KCNQ1: variants seen among roughly 807,000 people sequenced by gnomAD.
The protein encoded by KCNQ1 is potassium voltage-gated channel subfamily KQT member 1.
KCNQ1 carries 49 observed loss-of-function variants against 72.4 expected under a neutral mutation model. The observed-to-expected ratio is 0.68, with a 90% CI of 0.54 to 0.86. The LOEUF is 0.86. Ranked by LOEUF, KCNQ1 falls within the 40% of genes least tolerant of loss-of-function variation. The pLI is 0.00. For synonymous variants in KCNQ1, 450 were observed against 412.6 expected (o/e 1.09, Z -1.10); for missense variants, 790 against 945.1 (o/e 0.84, Z 2.15).
intron 11 of KCNQ1, among the ~76,000 whole-genome samples, chr11:2,757,571 T>A (rs940466435): frequency 1.3e-5 from 2 of 152,202 alleles, no homozygotes; most frequent in African/African-American, 4.8e-5. Flanking sequence ...TGGACAAACT[T>A]GTTCTAAAAT....
chr11:2,657,763 T>G lies in KCNQ1; in HGVS notation c.1394-4198T>G, dbSNP rs1276466884. 7.5e-6 allele frequency: 3 copies of G among 398,652 alleles called. No individual in the cohort carries two copies. The highest frequency in any genetic ancestry group is 1.3e-5 in the Non-Finnish European group (3 of 226,068). 24.7% of individuals were successfully genotyped at this position (398,652 alleles called of 1,614,324 possible). A position where few individuals can be genotyped will look rare whatever the true frequency, so the allele number is the denominator to read the frequency against. On this transcript the variant is annotated intron_variant, in intron 10 of 15. Transcript: ENST00000155840. The surrounding 1 kb of genome is among the most constrained non-coding windows in gnomAD (Gnocchi z 4.8). ...GTGACGGGCTTCTCAGTCTTGTTCTTCATTAACTTGACACTTTTGAAGAAT... is the reference window on the plus strand; with the variant it reads ...GTGACGGGCTTCTCAGTCTTGTTCTGCATTAACTTGACACTTTTGAAGAAT...
At chr11:2,505,182 A>G (rs1301862166) in intron 1 of KCNQ1, among the ~76,000 whole-genome samples, 1 of 152,058 alleles carries the variant, frequency 6.6e-6, no homozygotes, top group African/African-American at 2.4e-5. Context: ...TAAGCCCTAC[A>G]TGCATTAACT....
intron 11 of KCNQ1, chr11:2,662,970 C>T (rs909986238): frequency 5.0e-6 from 2 of 398,588 alleles, no homozygotes; most frequent in Non-Finnish European, 8.8e-6. Flanking sequence ...CCTGCCTTTG[C>T]AGCCAGCCAG....
Position 2,663,506 on chromosome 11 carries a change from G to A in KCNQ1, c.1514+1425G>A, listed in dbSNP as rs1190963064. The stretch of plus-strand genomic sequence containing the variant: ...GTGTGCAATACAGGTGGCAGTGCCT[G>A]TATTGCCTCTTGGCTGTCCCCTCAG... On this transcript the variant is annotated intron_variant, in intron 11 of 15. Coordinates refer to ENST00000155840, the MANE Select transcript of KCNQ1 (RefSeq NM_000218.3). This position sits in a 1 kb window ranked among gnomAD's most constrained non-coding sequence, Gnocchi z 5.2. 2.5e-6 allele frequency: 1 copy of A among 398,672 alleles called. No individual in the cohort carries two copies. The highest frequency in any genetic ancestry group is 4.4e-6 in the Non-Finnish European group (1 of 226,098). The allele number at this position is 398,672 out of a possible 1,614,324, so 24.7% of individuals were successfully genotyped here.
At chr11:2,622,996 C>A in intron 10 of KCNQ1, 1 of 398,608 alleles carries the variant, frequency 2.5e-6, no homozygotes. Context: ...CCACCCAAAT[C>A]TCATCTTGAA....
At chr11:2,530,013 G>A (rs1847591027) in intron 2 of KCNQ1, among the ~76,000 whole-genome samples, 1 of 152,174 alleles carries the variant, frequency 6.6e-6, no homozygotes, top group African/African-American at 2.4e-5. Context: ...CCTTGGTCCT[G>A]GCGTGTGAGT....
intron 11 of KCNQ1, among the ~76,000 whole-genome samples, chr11:2,742,269 T>TGGGCA (rs1846067539): frequency 6.6e-6 from 1 of 152,172 alleles, no homozygotes; most frequent in African/African-American, 2.4e-5. Context: ...CTCTATGAGA[T>TGGGCA]GGGCAGGGCA....
chr11:2,798,101 G>C (rs1372637531), intron 15 of KCNQ1, among the ~76,000 whole-genome samples: 1 of 152,098 alleles, frequency 6.6e-6, no homozygotes, highest in African/African-American at 2.4e-5. Flanking sequence ...TCAACCCTGA[G>C]AGCAGCCCCT....
At chr11:2,835,463 C>A (rs1848043452) in intron 15 of KCNQ1, among the ~76,000 whole-genome samples, 1 of 152,160 alleles carries the variant, frequency 6.6e-6, no homozygotes, top group African/African-American at 2.4e-5. Flanking sequence ...GGCCAGTCAC[C>A]CTACCGGCAG....
At chr11:2,571,981 G>T (rs372609759) in intron 4 of KCNQ1, 32 bp from the exon 5 acceptor site, 14 of 1,581,010 alleles carry the variant, frequency 8.9e-6, no homozygotes, top group Admixed American at 1.7e-5. Flanking sequence ...GCCCAGCCTG[G>T]CTCCCTCAGC....
At chr11:2,846,063 T>A (rs1220502384) in intron 15 of KCNQ1, among the ~76,000 whole-genome samples, 1 of 151,910 alleles carries the variant, frequency 6.6e-6, no homozygotes. Context: ...TGGGGTTGTC[T>A]CACCCGCACA....
chr11:2,583,313 C>T lies in KCNQ1; in HGVS notation c.922-122C>T, dbSNP rs112341530. On this transcript the variant is annotated intron_variant, in intron 6 of 15. Transcript: ENST00000155840. The stretch of plus-strand genomic sequence containing the variant: ...CTTTCGCCGAGTCACACGGGGTCGT[C>T]CTGGTGGTCAGGGTCTCTTGCCGGC... 1,291 of 765,514 alleles carry T rather than the reference C, an allele frequency of 1.7e-3. 14 individuals carry two copies. In the African/African-American group the frequency reaches 0.019, roughly 11 times the overall value. 47.4% of individuals were successfully genotyped at this position (765,514 alleles called of 1,614,324 possible).
chr11:2,759,275 A>G lies in KCNQ1; in HGVS notation c.1515-9569A>G, dbSNP rs369771248. Among the ~76,000 whole-genome samples, 145 of 152,332 alleles carry G rather than the reference A, an allele frequency of 9.5e-4. No homozygotes were observed. Among genetic ancestry groups the G allele is most frequent in the South Asian group, 8.3e-3 (40 of 4,832 alleles). ...GAAGGCCTGCAAGGCCCTCATGCCTACGAGGTGGCTGCTAGGGGGATGTGA... is the reference window on the plus strand; with the variant it reads ...GAAGGCCTGCAAGGCCCTCATGCCTGCGAGGTGGCTGCTAGGGGGATGTGA... On this transcript the variant is annotated intron_variant, in intron 11 of 15. Transcript: ENST00000155840. The surrounding 1 kb of genome is among the most constrained non-coding windows in gnomAD (Gnocchi z 4.4).
chr11:2,799,375 A>AGTGTGTGTGTGTATGT (rs3085903), intron 15 of KCNQ1, among the ~76,000 whole-genome samples: 227 of 147,398 alleles, frequency 1.5e-3, no homozygotes, highest in African/African-American at 5.5e-3. Flanking sequence ...TGTAAGTTCG[A>AGTGTGTGTGTGTATGT]GTGTGTGTGT....
intron 10 of KCNQ1, chr11:2,622,864 T>G: frequency 2.5e-6 from 1 of 398,672 alleles, no homozygotes; most frequent in Non-Finnish European, 4.4e-6. Context: ...TTACAACTTA[T>G]GAATCTGCAT....
rs1850657059 is a variant in KCNQ1, at chr11:2,695,413, G to C, written c.1514+33332G>C. ...AATTTTAATTTAAATACACAGTCAT[G>C]TACTGAGGCCCTCTTTCTGTTTGGC... On this transcript the variant is annotated intron_variant, in intron 11 of 15. Transcript: ENST00000155840. The surrounding 1 kb of genome is among the most constrained non-coding windows in gnomAD (Gnocchi z 5.2). 1.0e-5 allele frequency: 4 copies of C among 398,642 alleles called. No individual in the cohort carries two copies. In the South Asian group the frequency reaches 5.1e-4, roughly 51 times the overall value. The allele number at this position is 398,642 out of a possible 1,614,324, so 24.7% of individuals were successfully genotyped here.
In KCNQ1 at chr11:2,587,650, C is replaced by G; in HGVS notation, c.1209C>G (p.His403Gln). 1 of 1,613,952 alleles carries G rather than the reference C, an allele frequency of 6.2e-7. No individual in the cohort carries two copies. Residue 403 changes from histidine to glutamine, a missense_variant, in exon 9 of 16, where the codon CAC becomes CAG. This residue lies in a region of KCNQ1 where 178 missense variants were observed against 177.9 expected (regional missense o/e 1.00). Transcript: ENST00000155840. ...ACATCCGGAAGGCCCCCCGGAGCCA[C>G]ACTCTGCTGTCACCCAGCCCCAAAC... ...KIYIRKAPRSHTLLSPSPKPK... is the reference protein window; with the variant it reads ...KIYIRKAPRSQTLLSPSPKPK...
intron 1 of KCNQ1, among the ~76,000 whole-genome samples, chr11:2,455,878 C>T (rs955696042): frequency 6.6e-6 from 1 of 152,164 alleles, no homozygotes; most frequent in Admixed American, 6.5e-5. Context: ...ATAGAGAACT[C>T]AGAAATAAAG....
At chr11:2,459,379 G>C (rs141738447) in intron 1 of KCNQ1, among the ~76,000 whole-genome samples, 1 of 152,276 alleles carries the variant, frequency 6.6e-6, no homozygotes, top group East Asian at 1.9e-4. Flanking sequence ...GGGCAATCAG[G>C]GTTCCTAGAG....
Sources: gnomAD v4.1 joint callset for allele counts (sites outside exome capture counted in the v4.1 genomes callset) on GRCh38, gnomAD v4.1.1 for gene constraint, gnomAD v4.1.1 regional missense constraint, Gnocchi (gnomAD v3.1) non-coding constraint, MANE v1.5 for transcripts, NCBI Gene and HGNC (gene_info 2026-07-23, HGNC 2026-07-21) for gene names.